Variants in CSMD1 observed in about 807,000 individuals in gnomAD.
The protein encoded by CSMD1 is CUB and Sushi multiple domains 1.
In CSMD1, 213 loss-of-function variants were observed where a neutral mutation model predicts 417.5. The observed-to-expected ratio is 0.51, with a 90% CI of 0.46 to 0.57. CSMD1 has a LOEUF of 0.57. Among genes scored for constraint, CSMD1 ranks in the 20% least tolerant of loss-of-function variants. The probability of loss-of-function intolerance (pLI) is 0.00; values close to 1 mark genes in which losing one functional copy is unlikely to be tolerated. For synonymous variants in CSMD1, 2,862 were observed against 1,736.8 expected (o/e 1.65, Z -16.11); for missense variants, 6,923 against 4,529.7 (o/e 1.53, Z -15.17).
At chr8:3,187,594 G>C (rs1796137587) in intron 36 of CSMD1, among the ~76,000 whole-genome samples, 1 of 151,988 alleles carries the variant, frequency 6.6e-6, no homozygotes, top group South Asian at 2.1e-4. Context: ...TACTATTCCT[G>C]GCTTCTGCTG....
intron 5 of CSMD1, among the ~76,000 whole-genome samples, chr8:3,961,932 C>G (rs746088958): frequency 2.6e-5 from 4 of 152,214 alleles, no homozygotes; most frequent in Non-Finnish European, 5.9e-5. Context: ...GGCTTGGGCG[C>G]TTTCTTCCTC....
chr8:4,461,927 G>T (rs998103616), intron 2 of CSMD1, among the ~76,000 whole-genome samples: 2 of 151,856 alleles, frequency 1.3e-5, no homozygotes. Context: ...ATTTTTAGAA[G>T]AGACGGGGTT....
Position 4,422,716 on chromosome 8 carries a change from C to T in CSMD1, c.303-2651G>A, listed in dbSNP as rs527461998. Among the ~76,000 whole-genome samples the T allele has an allele frequency of 3.3e-5, 5 of 151,966 alleles. No individual in the cohort carries two copies. In the South Asian group the frequency reaches 1.0e-3, roughly 32 times the overall value. ...AGACTAAGACACTCTAATATCAAAACCAGATAAACACAGAAAAAAGAAAAA... is the reference window on the plus strand; with the variant it reads ...AGACTAAGACACTCTAATATCAAAATCAGATAAACACAGAAAAAAGAAAAA... On this transcript the variant is annotated intron_variant, in intron 2 of 69. Coordinates refer to ENST00000635120, the MANE Select transcript of CSMD1 (RefSeq NM_033225.6).
At chr8:4,815,236 T>C (rs1748482387) in intron 1 of CSMD1, among the ~76,000 whole-genome samples, 1 of 152,124 alleles carries the variant, frequency 6.6e-6, no homozygotes, top group South Asian at 2.1e-4. Context: ...GATTATTTGA[T>C]GAAACCACAA....
At chr8:4,210,712 T>G (rs947229280) in intron 3 of CSMD1, among the ~76,000 whole-genome samples, 2 of 151,736 alleles carry the variant, frequency 1.3e-5, no homozygotes, top group African/African-American at 4.8e-5. Flanking sequence ...TTAATTGTAA[T>G]GTTAAACACT....
chr8:3,283,103 C>G (rs368348082), intron 26 of CSMD1, among the ~76,000 whole-genome samples: 4 of 152,240 alleles, frequency 2.6e-5, no homozygotes, highest in South Asian at 2.1e-4. Context: ...TTATAGTTCA[C>G]GTGTGCAGAT....
Position 4,617,081 on chromosome 8 carries a change from ACT to A in CSMD1, c.302+20259_302+20260del, listed in dbSNP as rs542243726. On this transcript the variant is annotated intron_variant, in intron 2 of 69. Transcript: ENST00000635120. ...ATTTTTATAAATAATAGATGTTAAG[ACT>A]CTATATTTTTTCAAAATGTTTTTGA... Among the ~76,000 whole-genome samples the A allele has an allele frequency of 4.3e-3, 660 of 152,004 alleles. 1 individual carries two copies. Among genetic ancestry groups the A allele is most frequent in the South Asian group, 0.022 (107 of 4,804 alleles).
intron 6 of CSMD1, among the ~76,000 whole-genome samples, chr8:3,734,420 C>T (rs890179767): frequency 6.6e-6 from 1 of 152,180 alleles, no homozygotes; most frequent in Non-Finnish European, 1.5e-5. Flanking sequence ...ATTTAAAATA[C>T]AGAAACTCTG....
chr8:4,935,681 C>T (rs1807566534), intron 1 of CSMD1, among the ~76,000 whole-genome samples: 1 of 152,158 alleles, frequency 6.6e-6, no homozygotes, highest in African/African-American at 2.4e-5. Flanking sequence ...ACGAGTTTTA[C>T]ATATTTTTAG....
At chr8:3,580,280 G>A (rs947338483) in intron 9 of CSMD1, among the ~76,000 whole-genome samples, 1 of 152,108 alleles carries the variant, frequency 6.6e-6, no homozygotes, top group African/African-American at 2.4e-5. Context: ...AAGAAAGGCA[G>A]ATAAAAGATT....
intron 6 of CSMD1, among the ~76,000 whole-genome samples, chr8:3,752,383 G>A (rs904449313): frequency 2.0e-4 from 30 of 152,194 alleles, no homozygotes; most frequent in African/African-American, 6.0e-4. Flanking sequence ...CGCTGGGTAC[G>A]GTGGCTCACA....
chr8:3,723,869 C>G (rs1451892115), intron 6 of CSMD1, among the ~76,000 whole-genome samples: 1 of 152,170 alleles, frequency 6.6e-6, no homozygotes, highest in South Asian at 2.1e-4. Flanking sequence ...AATAGACCAA[C>G]ACGTTTTACT....
intron 3 of CSMD1, among the ~76,000 whole-genome samples, chr8:4,093,962 TCAAATAGATAGATAGA>T (rs1282245744): frequency 2.5e-4 from 29 of 115,068 alleles, no homozygotes; most frequent in Non-Finnish European, 4.6e-4. Flanking sequence ...AGACTACATC[TCAAATAGATAGATAGA>T]TAGATAGATA....
chr8:3,621,381 G>C (rs910983784), intron 7 of CSMD1, among the ~76,000 whole-genome samples: 2 of 152,086 alleles, frequency 1.3e-5, no homozygotes, highest in Non-Finnish European at 2.9e-5. Flanking sequence ...AAAACGAAGA[G>C]TAATCAAAGT....
intron 26 of CSMD1, among the ~76,000 whole-genome samples, chr8:3,262,480 G>C (rs1301186169): frequency 1.3e-5 from 2 of 150,980 alleles, no homozygotes; most frequent in African/African-American, 2.4e-5. Context: ...GTCCTTTCCA[G>C]TTAACATAAT....
intron 3 of CSMD1, among the ~76,000 whole-genome samples, chr8:4,097,358 A>G (rs1403400145): frequency 1.3e-5 from 2 of 152,214 alleles, no homozygotes; most frequent in East Asian, 3.9e-4. Flanking sequence ...AATGTGTAAA[A>G]GAAGAATGCT....
intron 2 of CSMD1, among the ~76,000 whole-genome samples, chr8:4,431,482 TAG>T (rs2128947255): frequency 6.6e-6 from 1 of 152,100 alleles, no homozygotes; most frequent in East Asian, 1.9e-4. Context: ...GAGAAGAAAG[TAG>T]AGAGACCAAG....
intron 2 of CSMD1, among the ~76,000 whole-genome samples, chr8:4,430,420 A>G (rs563377004): frequency 6.6e-6 from 1 of 152,204 alleles, no homozygotes; most frequent in South Asian, 2.1e-4. Flanking sequence ...GACATAGTCT[A>G]CCTTCTCCCG....
intron 1 of CSMD1, among the ~76,000 whole-genome samples, chr8:4,693,780 C>CTCAGCCTCCTGAGTAGCTTCAAGCG (rs1806933688): frequency 1.5e-4 from 22 of 148,480 alleles, no homozygotes; most frequent in African/African-American, 5.2e-4. Context: ...AGGCTCAAGC[C>CTCAGCCTCCTGAGTAGCTTCAAGCG]ATTCTCCTGC....
Sources: allele counts gnomAD v4.1 joint callset (sites outside exome capture counted in the v4.1 genomes callset), GRCh38; gene constraint gnomAD v4.1.1; transcripts MANE v1.5; gene names NCBI Gene and HGNC (gene_info 2026-07-23, HGNC 2026-07-21).